The following MTRF1 variants were observed in gnomAD, a reference collection of about 807,000 sequenced individuals.
The protein encoded by MTRF1 is mitochondrial translation release factor 1.
In MTRF1, 51 loss-of-function variants were observed where a neutral mutation model predicts 62.9. The observed-to-expected ratio is 0.81, with a 90% CI of 0.65 to 1.02. The LOEUF (loss-of-function observed/expected upper bound fraction) is 1.02. MTRF1 is among the 50% of genes least tolerant of loss of function. The pLI, the probability that MTRF1 is intolerant of heterozygous loss-of-function variation, is 0.00. For missense variants in MTRF1, 446 were observed against 530.0 expected (o/e 0.84, Z 1.56); for synonymous variants, 158 against 181.9 (o/e 0.87, Z 1.06).
the MTRF1 span, among the ~76,000 whole-genome samples, chr13:41,295,093 A>T: frequency 0.88 from 133,288 of 152,164 alleles, 58,501 homozygotes; most frequent in South Asian, 0.91. Context: ...TCTGTTTTTT[A>T]ATCCCTGGGA....
At chr13:41,272,047 A>G in the MTRF1 span, among the ~76,000 whole-genome samples, 7 of 152,198 alleles carry the variant, frequency 4.6e-5, no homozygotes, top group Non-Finnish European at 7.3e-5. Context: ...ATCTGCCATT[A>G]CACATGCCAC....
chr13:41,237,421 C>G (rs2036825160), intron 6 of MTRF1, among the ~76,000 whole-genome samples: 1 of 150,802 alleles, frequency 6.6e-6, no homozygotes, highest in Non-Finnish European at 1.5e-5. Flanking sequence ...ATAAATGAAC[C>G]AAAATATTTA....
At chr13:41,294,864 A>T in the MTRF1 span, among the ~76,000 whole-genome samples, 1 of 152,212 alleles carries the variant, frequency 6.6e-6, no homozygotes, top group Non-Finnish European at 1.5e-5. Flanking sequence ...TTGAGCTTTG[A>T]TATTAAATTA....
intron 7 of MTRF1, among the ~76,000 whole-genome samples, chr13:41,232,869 A>G (rs1241904161): frequency 6.6e-6 from 1 of 152,140 alleles, no homozygotes; most frequent in Non-Finnish European, 1.5e-5. Flanking sequence ...CATTTTACAC[A>G]ACTTTTGGAA....
intron 5 of MTRF1, among the ~76,000 whole-genome samples, chr13:41,241,589 G>T (rs1234936436): frequency 6.6e-6 from 1 of 151,980 alleles, no homozygotes; most frequent in Non-Finnish European, 1.5e-5. Flanking sequence ...TTACCTAAAC[G>T]TGTAGCCCTA....
the MTRF1 span, among the ~76,000 whole-genome samples, chr13:41,289,907 G>A: frequency 2.0e-5 from 3 of 152,092 alleles, no homozygotes; most frequent in East Asian, 3.9e-4. Flanking sequence ...CTGACCTCCC[G>A]CCAACTGACT....
the MTRF1 span, chr13:41,288,096 G>A: frequency 2.1e-6 from 1 of 475,182 alleles, no homozygotes; most frequent in Non-Finnish European, 4.2e-6. Context: ...AAATATGTCT[G>A]TTTACAGATA....
At chr13:41,311,590 G>A in the MTRF1 span, 1 of 1,603,308 alleles carries the variant, frequency 6.2e-7, no homozygotes, top group Non-Finnish European at 8.5e-7. Flanking sequence ...TTGGTGAGTG[G>A]CCGTAGGCCG....
chr13:41,253,898 C>T (rs1042944010), intron 3 of MTRF1, among the ~76,000 whole-genome samples: 4 of 152,144 alleles, frequency 2.6e-5, no homozygotes, highest in African/African-American at 7.2e-5. Context: ...GGTAGGAGGA[C>T]GGCAAACGTG....
At chr13:41,236,754 A>G (rs997061201) in intron 6 of MTRF1, 2 of 152,206 alleles carry the variant, frequency 1.3e-5, no homozygotes, top group African/African-American at 4.8e-5. Context: ...TGTGGATATC[A>G]TATGTCACAT....
At position 41,240,318 on chromosome 13, in the gene MTRF1, C is replaced by A; in HGVS notation, c.813G>T (p.Arg271Ser). The A allele has an allele frequency of 6.2e-7, 1 of 1,613,444 alleles. No homozygotes were observed. The highest frequency in any genetic ancestry group is 8.5e-7 in the Non-Finnish European group (1 of 1,179,708). ...TCGTTCCTGTGTGAATGCGCTGCAT[C>A]CTTGAGGACAGGCCCACCTCGGGGA... is the stretch of plus-strand genomic sequence containing the variant. The part of the protein sequence containing the change: ...QRIPEVGLSS[R>S]MQRIHTGTMS... The change falls in exon 6 of 10, where the codon AGG (arginine) becomes AGT (serine). Residue 271 changes from arginine (R) to serine (S), a missense_variant. By Grantham distance (110) the Arg-to-Ser change is moderately radical. Transcript: ENST00000379480.
At chr13:41,259,918 G>A (rs1233955574) in intron 2 of MTRF1, among the ~76,000 whole-genome samples, 2 of 152,096 alleles carry the variant, frequency 1.3e-5, no homozygotes, top group African/African-American at 4.8e-5. Flanking sequence ...GACCATAGAA[G>A]CCCACTGATG....
intron 7 of MTRF1, chr13:41,229,494 C>T (rs1449795581): frequency 6.6e-6 from 1 of 152,190 alleles, no homozygotes; most frequent in Non-Finnish European, 1.5e-5. Flanking sequence ...CTCCTCTCCC[C>T]CTTACCCTTC....
intron 9 of MTRF1, 53 bp from the exon 10 acceptor site, chr13:41,217,281 G>C: frequency 1.0e-6 from 1 of 1,000,774 alleles, no homozygotes. Context: ...TATAAGCAAA[G>C]ACTTTAGTGT....
the MTRF1 span, among the ~76,000 whole-genome samples, chr13:41,301,210 G>A: frequency 9.5e-3 from 1,439 of 152,240 alleles, 16 homozygotes; most frequent in African/African-American, 0.032. Context: ...GCAGGTAGTG[G>A]AATTAACTCT....
chr13:41,248,067 G>A (rs1361736854), intron 5 of MTRF1, among the ~76,000 whole-genome samples: 11 of 152,260 alleles, frequency 7.2e-5, no homozygotes, highest in East Asian at 3.9e-4. Context: ...GTCCCTTTGC[G>A]GAGGCTGGGG....
chr13:41,217,103 A>G lies in MTRF1; in HGVS notation c.*12T>C. 2 of 1,460,114 alleles carry G rather than the reference A, an allele frequency of 1.4e-6. No individual in the cohort carries two copies. Among genetic ancestry groups the G allele is most frequent in the South Asian group, 1.2e-5 (1 of 80,882 alleles). The allele number at this position is 1,460,114 out of a possible 1,614,324, so 90.4% of individuals were successfully genotyped here. A position where few individuals can be genotyped will look rare whatever the true frequency, so the allele number is the denominator to read the frequency against. On this transcript the variant is annotated 3_prime_UTR_variant, in exon 10 of 10. Transcript: ENST00000379480. Reference sequence around the variant, plus strand: ...TTCATTTATATAATCATAAATAATAATAAGTTAGTATTTATTTTGCTGATT... The same window carrying G: ...TTCATTTATATAATCATAAATAATAGTAAGTTAGTATTTATTTTGCTGATT...
At chr13:41,306,491 T>A in the MTRF1 span, among the ~76,000 whole-genome samples, 12 of 152,210 alleles carry the variant, frequency 7.9e-5, no homozygotes, top group Non-Finnish European at 1.5e-4. Context: ...TATTTTCCCA[T>A]CAGCTTTTAA....
chr13:41,255,388 G>A (rs76831427), intron 2 of MTRF1, among the ~76,000 whole-genome samples: 3,766 of 152,098 alleles, frequency 0.025, 127 homozygotes, highest in Admixed American at 0.088. Flanking sequence ...GGCTTAGTAC[G>A]GTACTTTAAA....
Sources: allele counts gnomAD v4.1 joint callset (sites outside exome capture counted in the v4.1 genomes callset), GRCh38; gene constraint gnomAD v4.1.1; transcripts MANE v1.5; gene names NCBI Gene and HGNC (gene_info 2026-07-23, HGNC 2026-07-21).